Variants in EVC2 observed in about 807,000 individuals in gnomAD.
The protein encoded by EVC2 is EvC ciliary complex subunit 2.
In EVC2, 148 loss-of-function variants were observed where a neutral mutation model predicts 149.3. That is an observed-to-expected ratio of 0.99 (90% CI 0.87 to 1.14). The LOEUF is 1.14. Among genes scored for constraint, EVC2 ranks in the 50% most tolerant of loss-of-function variants. The probability of loss-of-function intolerance (pLI) is 0.00; values close to 1 mark genes in which losing one functional copy is unlikely to be tolerated. For synonymous variants in EVC2, 776 were observed against 649.9 expected (o/e 1.19, Z -2.95); for missense variants, 1,854 against 1,627.3 (o/e 1.14, Z -2.40).
chr4:5,531,856 T>C, the EVC2 span, among the ~76,000 whole-genome samples: 1 of 152,046 alleles, frequency 6.6e-6, no homozygotes, highest in Non-Finnish European at 1.5e-5. Context: ...GAAACCACGC[T>C]CCTGCCAGTT....
chr4:5,663,169 G>GT lies in EVC2; in HGVS notation c.1082dup (p.Asn361LysfsTer82), dbSNP rs1719018526. ...AAGACAGAATGTCTATCATTTGGTC[G>GT]TTAAGGGAAAGGTCCTCATTCACGC... is the stretch of plus-strand genomic sequence containing the variant. On this transcript the variant is annotated frameshift_variant, in exon 9 of 22. Coordinates refer to ENST00000344408, the MANE Select transcript of EVC2 (RefSeq NM_147127.5). LOFTEE classifies it high-confidence loss of function. The GT allele has an allele frequency of 6.2e-7, 1 of 1,614,162 alleles. No homozygotes were observed. Among genetic ancestry groups the GT allele is most frequent in the East Asian group, 2.2e-5 (1 of 44,888 alleles).
At chr4:5,549,968 CT>C (rs1721705547) in intron 21 of EVC2, among the ~76,000 whole-genome samples, 1 of 152,168 alleles carries the variant, frequency 6.6e-6, no homozygotes, top group African/African-American at 2.4e-5. Context: ...ATTTTGCCTG[CT>C]GTCATCCATG....
chr4:5,630,279 T>TA (rs1295813862), intron 11 of EVC2, among the ~76,000 whole-genome samples: 9 of 152,190 alleles, frequency 5.9e-5, no homozygotes, highest in Admixed American at 3.9e-4. Context: ...GGCCTGGTAC[T>TA]AGCTGCAGGT....
chr4:5,560,974 CTCTG>C (rs1216138915), downstream of EVC2, among the ~76,000 whole-genome samples: 1 of 152,138 alleles, frequency 6.6e-6, no homozygotes, highest in African/African-American at 2.4e-5. The surrounding 1 kb of genome is among the most constrained non-coding windows in gnomAD (Gnocchi z 4.1). Context: ...GTTAGTCTTT[CTCTG>C]TCTATTAACA....
chr4:5,598,251 G>A (rs1346888511), intron 16 of EVC2, among the ~76,000 whole-genome samples: 7 of 151,648 alleles, frequency 4.6e-5, no homozygotes, highest in African/African-American at 9.7e-5. Context: ...AAAAGAGCCC[G>A]CATCGCCAAG....
chr4:5,682,233 G>A (rs1441960651), intron 6 of EVC2, among the ~76,000 whole-genome samples: 1 of 152,168 alleles, frequency 6.6e-6, no homozygotes, highest in Non-Finnish European at 1.5e-5. Context: ...GCTCACACCT[G>A]TAATCCCAGC....
At chr4:5,648,739 G>A (rs546372528) in intron 9 of EVC2, among the ~76,000 whole-genome samples, 1 of 152,132 alleles carries the variant, frequency 6.6e-6, no homozygotes, top group Non-Finnish European at 1.5e-5. Context: ...AGTCCCAGAG[G>A]CACTCTTTAT....
intron 9 of EVC2, among the ~76,000 whole-genome samples, chr4:5,641,450 T>G (rs987040541): frequency 6.6e-6 from 1 of 152,228 alleles, no homozygotes; most frequent in Non-Finnish European, 1.5e-5. Flanking sequence ...CTTCTCAATT[T>G]TTTTGTAAAT....
the EVC2 span, among the ~76,000 whole-genome samples, chr4:5,533,253 G>T: frequency 1.3e-5 from 2 of 152,098 alleles, no homozygotes; most frequent in Admixed American, 1.3e-4. Context: ...GTCTCGCTGA[G>T]ATGGTAATGC....
At chr4:5,561,362 C>T (rs1721953217), downstream of EVC2, among the ~76,000 whole-genome samples, 1 of 152,206 alleles carries the variant, frequency 6.6e-6, no homozygotes, top group Non-Finnish European at 1.5e-5. Flanking sequence ...AAAATCACTC[C>T]ACTTTCTCTG....
intron 10 of EVC2, 132 bp from the exon 11 acceptor site, chr4:5,632,164 G>A: frequency 4.1e-6 from 5 of 1,234,418 alleles, no homozygotes; most frequent in Non-Finnish European, 5.6e-6. Context: ...ATGCACATAT[G>A]CATTACAATA....
intron 16 of EVC2, among the ~76,000 whole-genome samples, chr4:5,597,060 T>C (rs1044830022): frequency 6.6e-6 from 1 of 152,196 alleles, no homozygotes; most frequent in Non-Finnish European, 1.5e-5. Flanking sequence ...GCTCTGAAAC[T>C]GTGGCAATAA....
chr4:5,707,221 C>T (rs1722263584), intron 1 of EVC2, among the ~76,000 whole-genome samples: 1 of 152,220 alleles, frequency 6.6e-6, no homozygotes, highest in Admixed American at 6.5e-5. Context: ...GGAACATGTT[C>T]TGTCATTGGA....
rs1287513576 is a variant in EVC2, at chr4:5,640,492, C to CT, written c.1470+21dup. On this transcript the variant is annotated intron_variant, in intron 10 of 21. Transcript: ENST00000344408. The surrounding 1 kb of genome is among the most constrained non-coding windows in gnomAD (Gnocchi z 4.6). ...CCCTGAGAGAAAGGGAAGTGAACGC[C>CT]TTCCTTTCAGACCTGTCTTACCCTC... 31 of 1,613,698 alleles carry CT rather than the reference C, an allele frequency of 1.9e-5. No homozygotes were observed. Among genetic ancestry groups the CT allele is most frequent in the Non-Finnish European group, 2.5e-5 (30 of 1,179,700 alleles).
chr4:5,658,560 A>G (rs1016664532), intron 9 of EVC2, among the ~76,000 whole-genome samples: 1 of 152,244 alleles, frequency 6.6e-6, no homozygotes, highest in African/African-American at 2.4e-5. Context: ...ATCCAGAAAG[A>G]GTCCTAAGCT....
chr4:5,624,946 C>T lies in EVC2; in HGVS notation c.2046+803G>A, dbSNP rs114790345. ...ACATTCCCTGAATCTGTCCTTATCC[C>T]CTGTACTCAGGGCTCTGTGTCAGTT... On this transcript the variant is annotated intron_variant, in intron 13 of 21. Transcript: ENST00000344408. Among the ~76,000 whole-genome samples, 538 of 152,256 alleles carry T rather than the reference C, an allele frequency of 3.5e-3. 5 individuals carry two copies. The highest frequency in any genetic ancestry group is 0.012 in the African/African-American group (517 of 41,552).
Position 5,576,482 on chromosome 4 carries a change from C to G in EVC2, c.3058-28G>C, listed in dbSNP as rs1209866117. 6.4e-7 allele frequency: 1 copy of G among 1,558,804 alleles called. No individual in the cohort carries two copies. Among genetic ancestry groups the G allele is most frequent in the East Asian group, 2.4e-5 (1 of 41,634 alleles). On this transcript the variant is annotated intron_variant, in intron 17 of 21. Transcript: ENST00000344408. This position sits in a 1 kb window ranked among gnomAD's most constrained non-coding sequence, Gnocchi z 4.5. ...ACACAAGGAAGGGGCAGAGGGTAAGCACCACTGCACAAGGCGGGTGGGGTG... is the reference window on the plus strand; with the variant it reads ...ACACAAGGAAGGGGCAGAGGGTAAGGACCACTGCACAAGGCGGGTGGGGTG...
At position 5,614,671 on chromosome 4, in the gene EVC2, G is replaced by C. The variant is rs1715099675; in HGVS notation, c.2829+751C>G. On this transcript the variant is annotated intron_variant, in intron 16 of 21. Transcript: ENST00000344408. This position sits in a 1 kb window ranked among gnomAD's most constrained non-coding sequence, Gnocchi z 4.7. ...CTAGGAGACTGTGTGGTGTGTGCTA[G>C]AACATCACGTATGAAATGGGGCTGG... 6.6e-6 allele frequency among the ~76,000 whole-genome samples: 1 copy of C among 152,154 alleles called. No individual in the cohort carries two copies. Among genetic ancestry groups the C allele is most frequent in the Non-Finnish European group, 1.5e-5 (1 of 68,028 alleles).
At chr4:5,681,599 G>A (rs758603310) in intron 6 of EVC2, among the ~76,000 whole-genome samples, 4 of 152,176 alleles carry the variant, frequency 2.6e-5, no homozygotes, top group Non-Finnish European at 4.4e-5. Flanking sequence ...GTTGGGCACT[G>A]ACTCCAAGCC....
Sources: gnomAD v4.1 joint callset for allele counts (sites outside exome capture counted in the v4.1 genomes callset) on GRCh38, gnomAD v4.1.1 for gene constraint, Gnocchi (gnomAD v3.1) non-coding constraint, MANE v1.5 for transcripts, NCBI Gene and HGNC (gene_info 2026-07-23, HGNC 2026-07-21) for gene names.